Variants in ANKRD26 observed in about 807,000 individuals in gnomAD.
ANKRD26 encodes the protein ankyrin repeat domain 26, also known as ankyrin repeat domain-containing protein 26.
In ANKRD26, 141 loss-of-function variants were observed where a neutral mutation model predicts 208.7. The observed-to-expected ratio is 0.68, with a 90% CI of 0.59 to 0.78. The LOEUF is 0.78. Ranked by LOEUF, ANKRD26 falls within the 30% of genes least tolerant of loss-of-function variation. ANKRD26 has a pLI of 0.00. For synonymous variants in ANKRD26, 636 were observed against 660.4 expected, an observed-to-expected ratio of 0.96 and a Z score of 0.57; for missense variants, 1,889 against 1,938.7, an observed-to-expected ratio of 0.97 and a Z score of 0.48.
intron 33 of ANKRD26, 45 bp from the exon 34 acceptor site, chr10:27,005,768 C>A: frequency 6.3e-7 from 1 of 1,575,280 alleles, no homozygotes; most frequent in Non-Finnish European, 8.6e-7. Context: ...TAAAAGATTT[C>A]ATAGTTAACT....
chr10:26,984,190 C>T (rs1228904590), intron 3 of ANKRD26, among the ~76,000 whole-genome samples: 1 of 152,170 alleles, frequency 6.6e-6, no homozygotes, highest in Non-Finnish European at 1.5e-5. Flanking sequence ...ATAGCAATTG[C>T]CAGTATCCCT....
chr10:27,072,847 G>A (rs1286951510), intron 9 of ANKRD26, among the ~76,000 whole-genome samples: 1 of 151,228 alleles, frequency 6.6e-6, no homozygotes, highest in African/African-American at 2.5e-5. Context: ...ACACACAAAG[G>A]CTATTTGTAA....
At chr10:26,966,565 A>C in the ANKRD26 span, among the ~76,000 whole-genome samples, 50,300 of 152,084 alleles carry the variant, frequency 0.33, 10,581 homozygotes, top group Non-Finnish European at 0.47. Flanking sequence ...CCTATGTAAC[A>C]AACTTGCACG....
Position 27,012,924 on chromosome 10 carries a change from A to C in ANKRD26, c.4911T>G (p.Asn1637Lys), listed in dbSNP as rs1277319573. 1 of 1,614,118 alleles carries C rather than the reference A, an allele frequency of 6.2e-7. No individual in the cohort carries two copies. The highest frequency in any genetic ancestry group is 8.5e-7 in the Non-Finnish European group (1 of 1,179,962). The change falls in exon 32 of 34, where the codon AAT becomes AAG. Residue 1637 changes from asparagine to lysine, a missense_variant. Around this residue, in one of 3 missense-constraint regions of ANKRD26, gnomAD observed 613 missense variants for 648.2 expected, o/e 0.95. Coordinates refer to ENST00000376087, the MANE Select transcript of ANKRD26 (RefSeq NM_014915.3). ...PRENLVISTS[N>K]PRASNNSMEN... Reference sequence around the variant, plus strand: ...CCATGCTATTATTTGAAGCCCGTGGATTTGAGGTAGAGATCACTAAGTTTT... The same window carrying C: ...CCATGCTATTATTTGAAGCCCGTGGCTTTGAGGTAGAGATCACTAAGTTTT...
chr10:26,997,935 T>C (rs1240558382), intron 4 of ANKRD26, among the ~76,000 whole-genome samples: 2 of 152,208 alleles, frequency 1.3e-5, no homozygotes, highest in African/African-American at 4.8e-5. Flanking sequence ...CTGGTCCCAC[T>C]TTCTCTCGTC....
At chr10:27,042,304 G>T (rs1261643280) in intron 20 of ANKRD26, among the ~76,000 whole-genome samples, 1 of 152,168 alleles carries the variant, frequency 6.6e-6, no homozygotes, top group Non-Finnish European at 1.5e-5. Context: ...ACTCAAAATG[G>T]ATCACACACC....
chr10:27,019,237 G>A (rs1245974169), intron 29 of ANKRD26, among the ~76,000 whole-genome samples: 2 of 151,916 alleles, frequency 1.3e-5, no homozygotes, highest in Admixed American at 6.6e-5. Context: ...CTGAGATCAC[G>A]CCACTGCACT....
chr10:26,993,406 A>G (rs999682973), intron 5 of ANKRD26, among the ~76,000 whole-genome samples: 4 of 152,178 alleles, frequency 2.6e-5, no homozygotes, highest in African/African-American at 9.7e-5. Context: ...TATCTCCTGG[A>G]CTGTTTCACC....
At chr10:27,078,493 A>T (rs2055780010) in intron 7 of ANKRD26, among the ~76,000 whole-genome samples, 1 of 152,208 alleles carries the variant, frequency 6.6e-6, no homozygotes, top group Non-Finnish European at 1.5e-5. Flanking sequence ...TAAGTCAAGG[A>T]AGAAAAGGAA....
chr10:27,085,569 T>C (rs536001204), intron 5 of ANKRD26, among the ~76,000 whole-genome samples: 86 of 152,304 alleles, frequency 5.6e-4, no homozygotes, highest in African/African-American at 1.9e-3. Context: ...CTTTAAAAAA[T>C]AATTTCCTAT....
chr10:26,974,520 T>G (rs2052196867), exon 6 of ANKRD26, among the ~76,000 whole-genome samples: 1 of 152,134 alleles, frequency 6.6e-6, no homozygotes. Context: ...TTTTGTATTT[T>G]TAGTAGAGAT....
chr10:27,007,016 C>A lies in ANKRD26; in HGVS notation c.4954-54G>T, dbSNP rs2052911436. The stretch of plus-strand genomic sequence containing the variant: ...GTTTAAGTTAGACAAGAGACATTAA[C>A]ATAGAAATGATGTATCACTTACAAA... On this transcript the variant is annotated intron_variant, in intron 32 of 33. Coordinates refer to ENST00000376087, the MANE Select transcript of ANKRD26 (RefSeq NM_014915.3). 3.0e-6 allele frequency: 4 copies of A among 1,338,660 alleles called. No homozygotes were observed. In the South Asian group the frequency reaches 4.7e-5, roughly 16 times the overall value. 82.9% of individuals were successfully genotyped at this position (1,338,660 alleles called of 1,614,324 possible).
In ANKRD26 at chr10:27,017,636, C is replaced by A. The variant is rs756710529; in HGVS notation, c.4372G>T (p.Val1458Leu). Residue 1458 changes from valine to leucine, a missense_variant, in exon 30 of 34, where the codon GTG (valine) becomes TTG (leucine). Around this residue, in one of 3 missense-constraint regions of ANKRD26, gnomAD observed 613 missense variants for 648.2 expected, o/e 0.95. Transcript: ENST00000376087. ...QKNKKKLEQE[V>L]INLRSHIERN... The stretch of plus-strand genomic sequence containing the variant: ...TCTATATGACTTCTCAGGTTGATCA[C>A]TTCTTGTTCCAACTTCTTTTTATTC... 6.2e-7 allele frequency: 1 copy of A among 1,613,650 alleles called. No individual in the cohort carries two copies. Among genetic ancestry groups the A allele is most frequent in the Non-Finnish European group, 8.5e-7 (1 of 1,179,860 alleles).
chr10:27,077,588 G>C (rs766726004), intron 8 of ANKRD26, 45 bp downstream of exon 8: 1 of 1,610,640 alleles, frequency 6.2e-7, no homozygotes, highest in Non-Finnish European at 8.5e-7. Flanking sequence ...ATGTAATTAA[G>C]AATCAGTGAA....
chr10:27,057,184 G>T (rs1249842144), intron 15 of ANKRD26, among the ~76,000 whole-genome samples: 1 of 152,144 alleles, frequency 6.6e-6, no homozygotes, highest in Non-Finnish European at 1.5e-5. Flanking sequence ...CTTCATAGAA[G>T]AAGTCCCATG....
At position 27,028,782 on chromosome 10, in the gene ANKRD26, A is replaced by C. The variant is rs565828040; in HGVS notation, c.3972+70T>G. The C allele has an allele frequency of 5.7e-5, 71 of 1,250,892 alleles. No homozygotes were observed. In the African/African-American group the frequency reaches 9.8e-4, roughly 17 times the overall value. The allele number at this position is 1,250,892 out of a possible 1,614,324, so 77.5% of individuals were successfully genotyped here. On this transcript the variant is annotated intron_variant, in intron 27 of 33. Transcript: ENST00000376087. ...TGGTCTCAAGCATTTTAAATAAGGG[A>C]TACTCAACTTGTCCTACTAAAGCAA...
intron 30 of ANKRD26, among the ~76,000 whole-genome samples, chr10:27,015,876 C>T (rs2053271965): frequency 6.6e-6 from 1 of 152,160 alleles, no homozygotes; most frequent in Non-Finnish European, 1.5e-5. Context: ...TTTAATCACT[C>T]ATAGACACAC....
exon 6 of ANKRD26, among the ~76,000 whole-genome samples, chr10:26,975,018 T>C (rs1405250652): frequency 6.6e-6 from 1 of 152,210 alleles, no homozygotes; most frequent in Non-Finnish European, 1.5e-5. Flanking sequence ...GGGCCTCTTG[T>C]ATCACTAGAT....
At chr10:27,078,823 C>T (rs2055794369) in intron 7 of ANKRD26, among the ~76,000 whole-genome samples, 1 of 151,088 alleles carries the variant, frequency 6.6e-6, no homozygotes, top group African/African-American at 2.4e-5. Flanking sequence ...TATAATTTTC[C>T]TGTCACTATG....
Sources: gnomAD v4.1 joint callset for allele counts (sites outside exome capture counted in the v4.1 genomes callset) on GRCh38, gnomAD v4.1.1 for gene constraint, gnomAD v4.1.1 regional missense constraint, MANE v1.5 for transcripts, NCBI Gene and HGNC (gene_info 2026-07-23, HGNC 2026-07-21) for gene names.